The following SNX6 variants were observed in gnomAD, a reference collection of about 807,000 sequenced individuals.
SNX6 encodes the protein sorting nexin-6.
A neutral mutation model predicts 63.0 loss-of-function variants in SNX6; 34 were observed. The ratio of observed to expected loss-of-function variants is 0.54; its 90% confidence interval spans 0.41 to 0.72. The LOEUF is 0.72. Among genes scored for constraint, SNX6 ranks in the 30% least tolerant of loss-of-function variants. The pLI is 0.00. For missense variants in SNX6, 398 were observed against 471.4 expected (o/e 0.84, Z 1.44); for synonymous variants, 170 against 164.2 (o/e 1.04, Z -0.27).
chr14:34,590,683 GA>G (rs1255813081), intron 8 of SNX6, among the ~76,000 whole-genome samples: 4 of 151,058 alleles, frequency 2.6e-5, no homozygotes, highest in Non-Finnish European at 5.9e-5. Flanking sequence ...AACCATTGTG[GA>G]AAAAAAAATT....
chr14:34,581,883 C>T (rs1881951001), intron 9 of SNX6, among the ~76,000 whole-genome samples: 1 of 152,054 alleles, frequency 6.6e-6, no homozygotes, highest in African/African-American at 2.4e-5. Flanking sequence ...GAACGGAGTG[C>T]AACTGCGCAA....
chr14:34,581,686 T>C, intron 9 of SNX6, 86 bp from the exon 10 acceptor site: 1 of 748,954 alleles, frequency 1.3e-6, no homozygotes, highest in East Asian at 2.5e-5. Context: ...CAAACCATAT[T>C]AATAACACCT....
chr14:34,602,507 C>T lies in SNX6; in HGVS notation c.516+841G>A, dbSNP rs935716270. On this transcript the variant is annotated intron_variant, in intron 6 of 13. Coordinates refer to ENST00000362031, the MANE Select transcript of SNX6 (RefSeq NM_152233.4). Reference sequence around the variant, plus strand: ...TTGGGAGGCTGAGGCACGAGAATCACTTGAACTTGGGAGGAGGAGGTCACA... The same window carrying T: ...TTGGGAGGCTGAGGCACGAGAATCATTTGAACTTGGGAGGAGGAGGTCACA... Among the ~76,000 whole-genome samples the T allele has an allele frequency of 3.8e-4, 57 of 149,890 alleles. 1 individual carries two copies. In the South Asian group the frequency reaches 3.8e-3, roughly 10 times the overall value.
At chr14:34,628,423 C>T (rs1883912065) in intron 2 of SNX6, among the ~76,000 whole-genome samples, 1 of 152,144 alleles carries the variant, frequency 6.6e-6, no homozygotes, top group African/African-American at 2.4e-5. Context: ...AGCGCTACTG[C>T]ACTCCAGTCT....
chr14:34,596,232 A>G (rs889283575), intron 7 of SNX6, among the ~76,000 whole-genome samples: 5 of 151,730 alleles, frequency 3.3e-5, no homozygotes, highest in Non-Finnish European at 5.9e-5. Flanking sequence ...AAAAAAAAGA[A>G]AAAAGAAAAA....
At chr14:34,624,131 G>A (rs1459081515) in intron 2 of SNX6, among the ~76,000 whole-genome samples, 3 of 151,466 alleles carry the variant, frequency 2.0e-5, no homozygotes, top group African/African-American at 2.4e-5. Context: ...AGACAGTTTC[G>A]CTCTTGTCGC....
intron 11 of SNX6, among the ~76,000 whole-genome samples, chr14:34,570,404 T>C (rs1201321009): frequency 6.7e-6 from 1 of 148,406 alleles, no homozygotes; most frequent in East Asian, 2.0e-4. Context: ...GGCCACCTTG[T>C]GGGTATAAAG....
chr14:34,589,763 G>A (rs1882317550), intron 8 of SNX6, among the ~76,000 whole-genome samples: 1 of 151,810 alleles, frequency 6.6e-6, no homozygotes, highest in African/African-American at 2.4e-5. Context: ...ACGGGGGTGG[G>A]GCAGTGAGCC....
intron 7 of SNX6, 35 bp from the exon 8 acceptor site, chr14:34,593,185 C>T: frequency 7.4e-7 from 1 of 1,352,270 alleles, no homozygotes; most frequent in South Asian, 1.3e-5. Flanking sequence ...ACTTTTTTCA[C>T]TTATTTGCTT....
At chr14:34,569,189 T>C (rs1881330820) in intron 11 of SNX6, 4 of 712,682 alleles carry the variant, frequency 5.6e-6, no homozygotes, top group Non-Finnish European at 1.0e-5. Flanking sequence ...TTTTTTTAAG[T>C]AACAGCTTGA....
intron 13 of SNX6, among the ~76,000 whole-genome samples, chr14:34,566,574 A>G (rs982474957): frequency 1.3e-5 from 2 of 152,250 alleles, no homozygotes; most frequent in Non-Finnish European, 2.9e-5. Context: ...AAAAAATGAT[A>G]CTGGTTTCCA....
At chr14:34,594,002 G>C (rs1431671796) in intron 7 of SNX6, among the ~76,000 whole-genome samples, 1 of 152,114 alleles carries the variant, frequency 6.6e-6, no homozygotes, top group Non-Finnish European at 1.5e-5. Context: ...GGGATTACAG[G>C]CATGAGCCAC....
Position 34,575,826 on chromosome 14 carries a change from A to C in SNX6, c.851T>G (p.Val284Gly). ...FDKTRKIEAR[V>G]SADEDLKLSD... ...AAGTTTGAGGTCTTCATCAGCAGAC[A>C]CTCGTGCTTCTATTTTCTGAAAAGA... Residue 284 changes from valine to glycine, a missense_variant, in exon 11 of 14, where the codon GTG (valine) becomes GGG (glycine). Val to Gly is a moderately radical substitution (Grantham distance 109, BLOSUM62 -3). Transcript: ENST00000362031. 4 of 1,585,098 alleles carry C rather than the reference A, an allele frequency of 2.5e-6. No homozygotes were observed. Among genetic ancestry groups the C allele is most frequent in the Non-Finnish European group, 3.4e-6 (4 of 1,165,226 alleles).
intron 5 of SNX6, 83 bp downstream of exon 5, chr14:34,605,513 C>CA (rs1169863768): frequency 2.4e-5 from 29 of 1,201,286 alleles, no homozygotes; most frequent in Non-Finnish European, 3.2e-5. Context: ...CAGAAAACAC[C>CA]AAAAAAGGCA....
chr14:34,587,322 G>A (rs1033060198), intron 8 of SNX6, among the ~76,000 whole-genome samples: 2 of 151,708 alleles, frequency 1.3e-5, no homozygotes, highest in Non-Finnish European at 2.9e-5. Flanking sequence ...CATGAGGTTA[G>A]GAGATTGAGA....
chr14:34,622,009 A>AGTGCAGTG (rs2138385097), intron 2 of SNX6, among the ~76,000 whole-genome samples: 1 of 119,592 alleles, frequency 8.4e-6, no homozygotes, highest in South Asian at 2.7e-4. Context: ...CCCAGGCTGG[A>AGTGCAGTG]GTGCAGTGGC....
intron 2 of SNX6, among the ~76,000 whole-genome samples, chr14:34,626,067 G>A (rs964512447): frequency 3.5e-4 from 53 of 152,154 alleles, no homozygotes; most frequent in African/African-American, 1.3e-3. Context: ...GAAAAAGGGG[G>A]ATACTAAAGG....
chr14:34,583,927 A>C (rs1882048127), intron 9 of SNX6, among the ~76,000 whole-genome samples: 1 of 150,558 alleles, frequency 6.6e-6, no homozygotes, highest in Admixed American at 6.7e-5. Flanking sequence ...GGCTCACTGC[A>C]ACCTCTGCCT....
At chr14:34,571,356 A>G (rs973635010) in intron 11 of SNX6, among the ~76,000 whole-genome samples, 1 of 151,718 alleles carries the variant, frequency 6.6e-6, no homozygotes, top group Non-Finnish European at 1.5e-5. Context: ...TGGCGTGAAC[A>G]TGGGAAATGG....
Sources: allele counts gnomAD v4.1 joint callset (sites outside exome capture counted in the v4.1 genomes callset), GRCh38; gene constraint gnomAD v4.1.1; transcripts MANE v1.5; gene names NCBI Gene and HGNC (gene_info 2026-07-23, HGNC 2026-07-21).